Variants in TRIM67 observed in about 807,000 individuals in gnomAD.
TRIM67 encodes tripartite motif-containing protein 67.
Under a neutral mutation model 71.0 loss-of-function variants are expected in TRIM67, and 39 were observed. The observed-to-expected ratio is 0.55, with a 90% confidence interval of 0.43 to 0.72. The LOEUF is 0.72. Ranked by LOEUF, TRIM67 falls within the 30% of genes least tolerant of loss-of-function variation. The pLI, the probability that TRIM67 is intolerant of heterozygous loss-of-function variation, is 0.00. For synonymous variants in TRIM67, 481 were observed against 473.9 expected (o/e 1.01, Z -0.19); for missense variants, 973 against 1,079.2 (o/e 0.90, Z 1.38).
At chr1:231,185,059 T>C (rs993960435) in intron 1 of TRIM67, 3 of 1,532,938 alleles carry the variant, frequency 2.0e-6, no homozygotes, top group South Asian at 2.4e-5. Context: ...GGAGCTGAGC[T>C]GGTGCCTGGA....
intron 4 of TRIM67, among the ~76,000 whole-genome samples, chr1:231,200,648 A>T (rs2102749539): frequency 6.6e-6 from 1 of 152,312 alleles, no homozygotes; most frequent in South Asian, 2.1e-4. Context: ...GCCTACAGAC[A>T]CAGTGCAATT....
At chr1:231,211,031 A>AT (rs55840623) in intron 8 of TRIM67, among the ~76,000 whole-genome samples, 18,880 of 126,532 alleles carry the variant, frequency 0.15, 1,426 homozygotes, top group East Asian at 0.26. Context: ...AAAAAAAAAA[A>AT]ATATATATAT....
intron 1 of TRIM67, among the ~76,000 whole-genome samples, chr1:231,165,593 G>A (rs1682438687): frequency 6.6e-6 from 1 of 152,158 alleles, no homozygotes; most frequent in Non-Finnish European, 1.5e-5. Context: ...GCAACTTTTG[G>A]TAGTGTTTAT....
chr1:231,168,187 T>C (rs1433231440), intron 1 of TRIM67, among the ~76,000 whole-genome samples: 3 of 152,146 alleles, frequency 2.0e-5, no homozygotes, highest in African/African-American at 7.2e-5. Flanking sequence ...CTGGTCTCAA[T>C]TGAACTCCTG....
intron 1 of TRIM67, chr1:231,184,890 A>G: frequency 1.2e-6 from 1 of 846,090 alleles, no homozygotes; most frequent in Non-Finnish European, 1.8e-6. Flanking sequence ...CACAGAGGGC[A>G]AGAAACTAGG....
chr1:231,164,146 A>G (rs1682386003), intron 1 of TRIM67, 133 bp downstream of exon 1: 1 of 1,147,192 alleles, frequency 8.7e-7, no homozygotes, highest in African/African-American at 1.6e-5. Context: ...CTCATTAGCC[A>G]TTCATTCCAT....
chr1:231,165,926 G>A (rs1682448601), intron 1 of TRIM67, among the ~76,000 whole-genome samples: 1 of 152,194 alleles, frequency 6.6e-6, no homozygotes, highest in African/African-American at 2.4e-5. Context: ...ACCAAAGAGA[G>A]TTGAGATGAG....
In TRIM67 at chr1:231,199,031, C is replaced by A. The variant is rs1212161495; in HGVS notation, c.1141-16C>A. On this transcript the variant is annotated splice_polypyrimidine_tract_variant and intron_variant, in intron 2 of 9. Transcript: ENST00000366653. Reference sequence around the variant, plus strand: ...AACTCTTTGCTTCTTCCCAACCAACCCCCAACCTCTGCCAGGAAAACGGAC... The same window carrying A: ...AACTCTTTGCTTCTTCCCAACCAACACCCAACCTCTGCCAGGAAAACGGAC... 1.9e-6 allele frequency: 3 copies of A among 1,613,844 alleles called. 1 individual carries two copies. Among genetic ancestry groups the A allele is most frequent in the Non-Finnish European group, 2.5e-6 (3 of 1,179,818 alleles).
Position 231,174,571 on chromosome 1 carries a change from C to T in TRIM67, c.1044+10558C>T, listed in dbSNP as rs1682697199. Among the ~76,000 whole-genome samples, 4 of 152,008 alleles carry T rather than the reference C, an allele frequency of 2.6e-5. No homozygotes were observed. In the South Asian group the frequency reaches 8.3e-4, roughly 32 times the overall value. On this transcript the variant is annotated intron_variant, in intron 1 of 9. Coordinates refer to ENST00000366653, the MANE Select transcript of TRIM67 (RefSeq NM_001004342.5). Reference sequence around the variant, plus strand: ...TCCATTTCACTGGTTATTTTTTAGGCTGTGGCAAGTCTAGTGATTAGCCCC... The same window carrying T: ...TCCATTTCACTGGTTATTTTTTAGGTTGTGGCAAGTCTAGTGATTAGCCCC...
intron 1 of TRIM67, among the ~76,000 whole-genome samples, chr1:231,196,913 C>T (rs1215014835): frequency 1.3e-5 from 2 of 152,224 alleles, no homozygotes; most frequent in Non-Finnish European, 2.9e-5. Context: ...TCCCTCAGGG[C>T]ATACCAGGCC....
At chr1:231,214,797 A>G (rs1202628118) in intron 9 of TRIM67, among the ~76,000 whole-genome samples, 4 of 150,536 alleles carry the variant, frequency 2.7e-5, no homozygotes, top group South Asian at 4.2e-4. Flanking sequence ...AAAAAAAAAA[A>G]AAAAAGATAG....
At position 231,203,863 on chromosome 1, in the gene TRIM67, G is replaced by A. The variant is rs752419575; in HGVS notation, c.1535-4G>A. 33 of 1,612,254 alleles carry A rather than the reference G, an allele frequency of 2.0e-5. No individual in the cohort carries two copies. Among genetic ancestry groups the A allele is most frequent in the Non-Finnish European group, 2.7e-5 (32 of 1,179,408 alleles). On this transcript the variant is annotated splice_region_variant and splice_polypyrimidine_tract_variant and intron_variant, in intron 5 of 9. Transcript: ENST00000366653. ...GCGCTAACTCATGTGTGTCCCCCTC[G>A]CAGTGCCACCCGTCCCCCTACTGCA...
Position 231,220,194 on chromosome 1 carries a change from T to C in TRIM67, c.*4754T>C, listed in dbSNP as rs1224235906. On this transcript the variant is annotated 3_prime_UTR_variant, in exon 10 of 10. Coordinates refer to ENST00000366653, the MANE Select transcript of TRIM67 (RefSeq NM_001004342.5). Reference sequence around the variant, plus strand: ...GGGCGTTCCAGTGTTCTCTGACCAGTGTCTTCCATCCAAGCCTCCTTGTGA... The same window carrying C: ...GGGCGTTCCAGTGTTCTCTGACCAGCGTCTTCCATCCAAGCCTCCTTGTGA... 3 of 349,890 alleles carry C rather than the reference T, an allele frequency of 8.6e-6. No homozygotes were observed. The highest frequency in any genetic ancestry group is 6.5e-5 in the African/African-American group (3 of 46,480). The allele number at this position is 349,890 out of a possible 1,614,324, so 21.7% of individuals were successfully genotyped here.
chr1:231,173,597 T>C lies in TRIM67; in HGVS notation c.1044+9584T>C, dbSNP rs1242692538. On this transcript the variant is annotated intron_variant, in intron 1 of 9. Coordinates refer to ENST00000366653, the MANE Select transcript of TRIM67 (RefSeq NM_001004342.5). ...TGTTTAAACGACAGAAATGGGCCAG[T>C]GTGCTTGGGGCATAATGAAACAGAT... 2.0e-5 allele frequency among the ~76,000 whole-genome samples: 3 copies of C among 152,208 alleles called. No homozygotes were observed. In the East Asian group the frequency reaches 5.8e-4, roughly 29 times the overall value.
Position 231,215,418 on chromosome 1 carries a change from G to T in TRIM67, c.2330G>T (p.Arg777Leu). 1 of 1,611,178 alleles carries T rather than the reference G, an allele frequency of 6.2e-7. No homozygotes were observed. Among genetic ancestry groups the T allele is most frequent in the African/African-American group, 1.3e-5 (1 of 74,948 alleles). ...TGLEVPTNLG[R>L]PKLSGN ...TTGGAAGTGCCGACTAACCTGGGGC[G>T]GCCAAAGCTGTCAGGCAATTAGCCC... Residue 777 changes from arginine to leucine, a missense_variant, in exon 10 of 10, where the codon CGG becomes CTG. This residue lies in a region of TRIM67 where 178 missense variants were observed against 247.9 expected (regional missense o/e 0.72). Coordinates refer to ENST00000366653, the MANE Select transcript of TRIM67 (RefSeq NM_001004342.5).
At position 231,202,080 on chromosome 1, in the gene TRIM67, GT is replaced by G. The variant is rs1188744777; in HGVS notation, c.1534+564del. On this transcript the variant is annotated intron_variant, in intron 5 of 9. Transcript: ENST00000366653. ...GGAGGAGGAGATGGAGGAGGAGGAGGTGGTGGCTAAGATAATGGAGGAGGAG... is the reference window on the plus strand; with the variant it reads ...GGAGGAGGAGATGGAGGAGGAGGAGGGGTGGCTAAGATAATGGAGGAGGAG... Among the ~76,000 whole-genome samples the G allele has an allele frequency of 1.8e-4, 27 of 152,028 alleles. 2 individuals are homozygous for G. Among genetic ancestry groups the G allele is most frequent in the Non-Finnish European group, 2.7e-4 (18 of 67,884 alleles).
rs186475328 is a variant in TRIM67, at chr1:231,179,527, G to A, written c.1044+15514G>A. Among the ~76,000 whole-genome samples the A allele has an allele frequency of 1.6e-3, 251 of 152,246 alleles. 6 individuals carry two copies. Among genetic ancestry groups the A allele is most frequent in the Admixed American group, 0.012 (187 of 15,292 alleles). ...TTAGTTGGTTAATGTCACAGTGGTCGTTAACCCATTTATGCCTGAGGTTGC... is the reference window on the plus strand; with the variant it reads ...TTAGTTGGTTAATGTCACAGTGGTCATTAACCCATTTATGCCTGAGGTTGC... On this transcript the variant is annotated intron_variant, in intron 1 of 9. Coordinates refer to ENST00000366653, the MANE Select transcript of TRIM67 (RefSeq NM_001004342.5).
At chr1:231,186,152 G>A (rs971303563) in intron 1 of TRIM67, 2 of 1,531,272 alleles carry the variant, frequency 1.3e-6, no homozygotes, top group African/African-American at 2.8e-5. Context: ...TGACAGCCAG[G>A]CTGAGGCGCT....
intron 1 of TRIM67, chr1:231,184,286 T>C (rs1682991554): frequency 6.6e-6 from 1 of 151,956 alleles, no homozygotes; most frequent in Non-Finnish European, 1.5e-5. Context: ...AGTTCTGATT[T>C]GCTGATGTTA....
Sources: gnomAD v4.1 joint callset for allele counts (sites outside exome capture counted in the v4.1 genomes callset) on GRCh38, gnomAD v4.1.1 for gene constraint, gnomAD v4.1.1 regional missense constraint, MANE v1.5 for transcripts, NCBI Gene and HGNC (gene_info 2026-07-23, HGNC 2026-07-21) for gene names.